OR2AT4: variants seen among roughly 807,000 people sequenced by gnomAD.
The protein encoded by OR2AT4 is olfactory receptor family 2 subfamily AT member 4.
Under a neutral mutation model 10.3 loss-of-function variants are expected in OR2AT4, and 6 were observed. The ratio of observed to expected loss-of-function variants is 0.58; its 90% confidence interval spans 0.32 to 1.15. The LOEUF is 1.15. Ranked by LOEUF, OR2AT4 falls within the 50% of genes most tolerant of loss-of-function variation. OR2AT4 has a pLI of 0.05. For synonymous variants in OR2AT4, 145 were observed against 159.1 expected (o/e 0.91, Z 0.67); for missense variants, 354 against 393.8 (o/e 0.90, Z 0.85).
chr11:75,093,665 T>G (rs948133630), intron 1 of OR2AT4, among the ~76,000 whole-genome samples: 9 of 152,196 alleles, frequency 5.9e-5, no homozygotes, highest in Non-Finnish European at 1.3e-4. Context: ...CCTGATGATC[T>G]GATGATTACC....
exon 2 of OR2AT4, chr11:75,089,650 G>C: frequency 6.2e-7 from 1 of 1,613,778 alleles, no homozygotes; most frequent in African/African-American, 1.3e-5. Context: ...GGCAGAGAGG[G>C]GATGCCCAAT....
chr11:75,093,427 G>C (rs1465718891), intron 1 of OR2AT4, among the ~76,000 whole-genome samples: 1 of 152,228 alleles, frequency 6.6e-6, no homozygotes, highest in Non-Finnish European at 1.5e-5. Context: ...GTCGTCTTGT[G>C]ACAAGTGCCC....
At chr11:75,095,454 T>G (rs1004877950) in intron 1 of OR2AT4, among the ~76,000 whole-genome samples, 1 of 152,124 alleles carries the variant, frequency 6.6e-6, no homozygotes, top group Admixed American at 6.5e-5. Flanking sequence ...TGTTTGTCAT[T>G]ATTATGATTA....
chr11:75,089,294 G>C (rs368488376), exon 2 of OR2AT4: 2 of 1,614,244 alleles, frequency 1.2e-6, no homozygotes, highest in Non-Finnish European at 1.7e-6. Flanking sequence ...GTGGGTTCAT[G>C]AGGACAGGGT....
At chr11:75,090,917 G>C (rs944168623) in intron 1 of OR2AT4, among the ~76,000 whole-genome samples, 1 of 152,152 alleles carries the variant, frequency 6.6e-6, no homozygotes, top group Non-Finnish European at 1.5e-5. Flanking sequence ...TGTAGTGGGC[G>C]GGGGGAAAGG....
chr11:75,095,770 C>T (rs1014433104), intron 1 of OR2AT4, among the ~76,000 whole-genome samples: 1 of 151,434 alleles, frequency 6.6e-6, no homozygotes, highest in Non-Finnish European at 1.5e-5. Context: ...CTCTGCCTCC[C>T]GGGTTCAAGC....
At position 75,090,200 on chromosome 11, in the gene OR2AT4, CT is replaced by C. The variant is rs1296370699; in HGVS notation, c.-488del. 1.9e-5 allele frequency: 3 copies of C among 159,434 alleles called. No individual in the cohort carries two copies. The highest frequency in any genetic ancestry group is 7.2e-5 in the African/African-American group (3 of 41,474). The allele number at this position is 159,434 out of a possible 1,614,324, so 9.9% of individuals were successfully genotyped here. A position where few individuals can be genotyped will look rare whatever the true frequency, so the allele number is the denominator to read the frequency against. ...TCAAGTCCTTAAGCTCATGTCTCTA[CT>C]TTTGTACTCACTCAAAGTTCCATCA... On this transcript the variant is annotated 5_prime_UTR_variant, in exon 2 of 2. The change creates a premature stop within an existing upstream ORF in the 5' untranslated region. Coordinates refer to ENST00000641504, the Ensembl canonical transcript of OR2AT4.
At chr11:75,088,812 T>A (rs749037348) in exon 2 of OR2AT4, 1 of 1,602,060 alleles carries the variant, frequency 6.2e-7, no homozygotes, top group East Asian at 2.2e-5. Flanking sequence ...TGCCTTTACA[T>A]CCCTGTTTCT....
At chr11:75,084,874 G>A (rs1280824909) in exon 2 of OR2AT4, 1 of 152,162 alleles carries the variant, frequency 6.6e-6, no homozygotes, top group African/African-American at 2.4e-5. Context: ...AAATTCGTGT[G>A]AAGTTGCTAA....
chr11:75,088,958 G>A (rs943221168), exon 2 of OR2AT4: 9 of 1,614,020 alleles, frequency 5.6e-6, no homozygotes, highest in African/African-American at 4.0e-5. Flanking sequence ...AGGTGCCCAC[G>A]ACCAGAAGGT....
chr11:75,082,189 T>C (rs1949269900), exon 2 of OR2AT4: 1 of 151,936 alleles, frequency 6.6e-6, no homozygotes, highest in African/African-American at 2.4e-5. Context: ...CATAGACCAA[T>C]GGAACAGAAT....
chr11:75,095,161 T>C (rs1259441506), intron 1 of OR2AT4, among the ~76,000 whole-genome samples: 4 of 152,152 alleles, frequency 2.6e-5, no homozygotes, highest in Non-Finnish European at 4.4e-5. Context: ...CTTTTCAAGG[T>C]CAACCAACAA....
intron 1 of OR2AT4, among the ~76,000 whole-genome samples, chr11:75,095,199 C>T (rs150107416): frequency 2.3e-3 from 352 of 152,266 alleles, no homozygotes; most frequent in African/African-American, 8.2e-3. Context: ...GTTTTAAAGC[C>T]GGTGTCCTGG....
exon 2 of OR2AT4, chr11:75,087,192 C>T (rs569069288): frequency 3.3e-5 from 5 of 152,184 alleles, no homozygotes; most frequent in South Asian, 2.1e-4. Flanking sequence ...ATTAATAGTA[C>T]GTATTTTACA....
chr11:75,085,815 C>G (rs558911506), exon 2 of OR2AT4: 19 of 152,080 alleles, frequency 1.2e-4, no homozygotes, highest in African/African-American at 4.3e-4. Flanking sequence ...TAGTCCCTCC[C>G]CTCCCCAAAT....
At chr11:75,094,192 G>A (rs942357088) in intron 1 of OR2AT4, among the ~76,000 whole-genome samples, 5 of 151,338 alleles carry the variant, frequency 3.3e-5, no homozygotes, top group Non-Finnish European at 7.4e-5. Flanking sequence ...TGTCATGGCC[G>A]GCGAGCCACA....
chr11:75,086,397 T>C (rs1365315390), exon 2 of OR2AT4: 1 of 152,210 alleles, frequency 6.6e-6, no homozygotes, highest in Admixed American at 6.5e-5. Flanking sequence ...ATTCAAAGGC[T>C]AGTCATTGAC....
chr11:75,089,594 G>A (rs775424733), exon 2 of OR2AT4: 62 of 1,613,984 alleles, frequency 3.8e-5, no homozygotes, highest in Non-Finnish European at 4.8e-5. Flanking sequence ...GGATGAGAAG[G>A]TAGAAGAGGA....
chr11:75,089,623 G>T, exon 2 of OR2AT4: 2 of 1,614,032 alleles, frequency 1.2e-6, no homozygotes, highest in Non-Finnish European at 1.7e-6. Context: ...AAAAACACAG[G>T]GAGGAAGAAG....
Sources: gnomAD v4.1 joint callset for allele counts (sites outside exome capture counted in the v4.1 genomes callset) on GRCh38, gnomAD v4.1.1 for gene constraint, MANE v1.5 for transcripts, NCBI Gene and HGNC (gene_info 2026-07-23, HGNC 2026-07-21) for gene names.